DMXL2: variants seen among roughly 807,000 people sequenced by gnomAD.
DMXL2 encodes the protein dmX-like protein 2.
Under a neutral mutation model 331.1 loss-of-function variants are expected in DMXL2, and 103 were observed. That is an observed-to-expected ratio of 0.31 (90% CI 0.27 to 0.37). The LOEUF (loss-of-function observed/expected upper bound fraction) is 0.37, where lower values mean the gene tolerates loss of function less well. Among genes scored for constraint, DMXL2 ranks in the 10% least tolerant of loss-of-function variants. The pLI is 1.00. For synonymous variants in DMXL2, 1,281 were observed against 1,252.1 expected, an observed-to-expected ratio of 1.02 and a Z score of -0.49; for missense variants, 3,171 against 3,642.9, an observed-to-expected ratio of 0.87 and a Z score of 3.33.
At chr15:51,457,118 G>A (rs2039696048) in intron 37 of DMXL2, among the ~76,000 whole-genome samples, 5 of 152,236 alleles carry the variant, frequency 3.3e-5, no homozygotes. Context: ...GCTGCAGTGA[G>A]CCGAAATTGC....
In DMXL2 at chr15:51,454,503, C is replaced by CT. The variant is rs748574067; in HGVS notation, c.8604+647dup. Among the ~76,000 whole-genome samples, 119 of 151,748 alleles carry CT rather than the reference C, an allele frequency of 7.8e-4. 1 individual carries two copies. Among genetic ancestry groups the CT allele is most frequent in the Non-Finnish European group, 1.4e-3 (94 of 67,848 alleles). ...TGGAACAGATGTTTGGAACCTGATT[C>CT]TTTTTTTTTCTGAGACGAAGTCTCA... On this transcript the variant is annotated intron_variant, in intron 40 of 43. Transcript: ENST00000560891.
Position 51,549,674 on chromosome 15 carries a change from G to A in DMXL2, c.568-2266C>T, listed in dbSNP as rs1030681222. Among the ~76,000 whole-genome samples the A allele has an allele frequency of 3.3e-5, 5 of 151,962 alleles. 1 individual carries two copies. Among genetic ancestry groups the A allele is most frequent in the African/African-American group, 7.2e-5 (3 of 41,402 alleles). ...ATTCTTGCAGGAGTAAGGTGGTATC[G>A]CATTGTGGTTTTGGTTTGCATTTCC... On this transcript the variant is annotated intron_variant, in intron 6 of 43. Transcript: ENST00000560891.
intron 13 of DMXL2, among the ~76,000 whole-genome samples, chr15:51,527,068 AAAG>A (rs2047715898): frequency 2.0e-5 from 3 of 152,338 alleles, no homozygotes; most frequent in South Asian, 4.1e-4. Flanking sequence ...GACTTAACTC[AAAG>A]AAGACTACCT....
intron 29 of DMXL2, 64 bp downstream of exon 29, chr15:51,471,159 A>G: frequency 6.8e-7 from 1 of 1,476,818 alleles, no homozygotes; most frequent in Non-Finnish European, 9.3e-7. Flanking sequence ...TGTGAGACAC[A>G]TGCAAGAGTT....
intron 9 of DMXL2, among the ~76,000 whole-genome samples, chr15:51,538,829 T>C (rs1380024856): frequency 6.6e-6 from 1 of 152,154 alleles, no homozygotes; most frequent in Non-Finnish European, 1.5e-5. Context: ...TATGATGATA[T>C]TATGATTATG....
intron 22 of DMXL2, 98 bp from the exon 23 acceptor site, chr15:51,486,435 C>G (rs527380636): frequency 4.3e-6 from 4 of 936,920 alleles, no homozygotes; most frequent in Non-Finnish European, 6.4e-6. Flanking sequence ...CCATTTATAT[C>G]CTAATGGTGG....
At chr15:51,545,071 T>C (rs1336319688) in intron 8 of DMXL2, among the ~76,000 whole-genome samples, 2 of 152,094 alleles carry the variant, frequency 1.3e-5, no homozygotes, top group Non-Finnish European at 1.5e-5. Context: ...AAAAATTATT[T>C]CATTTTCAAA....
At chr15:51,530,041 A>G (rs1371366950) in intron 13 of DMXL2, among the ~76,000 whole-genome samples, 1 of 152,204 alleles carries the variant, frequency 6.6e-6, no homozygotes, top group East Asian at 1.9e-4. Context: ...CTAAAAAAGC[A>G]TGATAAAATT....
At chr15:51,471,976 C>T (rs1383679255) in intron 28 of DMXL2, among the ~76,000 whole-genome samples, 2 of 152,156 alleles carry the variant, frequency 1.3e-5, no homozygotes, top group Non-Finnish European at 2.9e-5. Context: ...TTCTCACTAA[C>T]ACCTCTTAAG....
rs150231582 is a variant in DMXL2, at chr15:51,580,702, T to C, written c.88-4521A>G. Among the ~76,000 whole-genome samples, 568 of 152,318 alleles carry C rather than the reference T, an allele frequency of 3.7e-3. 3 individuals carry two copies. The highest frequency in any genetic ancestry group is 0.013 in the African/African-American group (547 of 41,566). Reference sequence around the variant, plus strand: ...CATTCATGTGGGAGGATTTGTTTTATAAAAGGACTAAACTGTTTCTCTGAT... The same window carrying C: ...CATTCATGTGGGAGGATTTGTTTTACAAAAGGACTAAACTGTTTCTCTGAT... On this transcript the variant is annotated intron_variant, in intron 1 of 43. Transcript: ENST00000560891.
intron 6 of DMXL2, among the ~76,000 whole-genome samples, chr15:51,553,672 T>A (rs1458629298): frequency 6.6e-6 from 1 of 152,140 alleles, no homozygotes; most frequent in Non-Finnish European, 1.5e-5. Flanking sequence ...CTTATGACCA[T>A]CTACATCCAC....
chr15:51,593,921 T>G (rs560545401), intron 1 of DMXL2, among the ~76,000 whole-genome samples: 13 of 152,278 alleles, frequency 8.5e-5, no homozygotes, highest in Non-Finnish European at 1.8e-4. Flanking sequence ...AAGCAGTGTG[T>G]AGAGGGAAAT....
rs555906314 is a variant in DMXL2, at chr15:51,622,324, G to C, written c.87+135C>G. ...GGTCCCAGGGGGAACTAAACCCCAAGGCTGCAAAGGGGCCACGGGTGGGGC... is the reference window on the plus strand; with the variant it reads ...GGTCCCAGGGGGAACTAAACCCCAACGCTGCAAAGGGGCCACGGGTGGGGC... On this transcript the variant is annotated intron_variant, in intron 1 of 43. Transcript: ENST00000560891. 2.7e-4 allele frequency: 317 copies of C among 1,180,370 alleles called. 4 individuals are homozygous for C. In the South Asian group the frequency reaches 4.4e-3, roughly 16 times the overall value. The allele number at this position is 1,180,370 out of a possible 1,614,324, so 73.1% of individuals were successfully genotyped here. A position where few individuals can be genotyped will look rare whatever the true frequency, so the allele number is the denominator to read the frequency against.
chr15:51,452,639 G>A (rs1055022783), intron 41 of DMXL2, among the ~76,000 whole-genome samples: 1 of 152,176 alleles, frequency 6.6e-6, no homozygotes, highest in African/African-American at 2.4e-5. Context: ...CTCACTGCTG[G>A]TGGGAATGTA....
intron 15 of DMXL2, 69 bp downstream of exon 15, chr15:51,514,373 C>T: frequency 2.3e-6 from 2 of 886,450 alleles, no homozygotes; most frequent in South Asian, 1.7e-5. Context: ...AAGATCCATA[C>T]TCAGTGAAAA....
chr15:51,475,802 A>ACAT (rs1383823919), intron 27 of DMXL2, among the ~76,000 whole-genome samples: 1 of 152,226 alleles, frequency 6.6e-6, no homozygotes, highest in Non-Finnish European at 1.5e-5. Context: ...TAGGAAACAC[A>ACAT]CATTGAAATG....
At chr15:51,593,977 C>T (rs1420731252) in intron 1 of DMXL2, among the ~76,000 whole-genome samples, 6 of 151,972 alleles carry the variant, frequency 3.9e-5, no homozygotes, top group South Asian at 2.1e-4. Flanking sequence ...AGATCTAAAA[C>T]TGACACCCTA....
At chr15:51,612,715 T>C (rs2054055547) in intron 1 of DMXL2, among the ~76,000 whole-genome samples, 1 of 152,098 alleles carries the variant, frequency 6.6e-6, no homozygotes, top group South Asian at 2.1e-4. Flanking sequence ...GCTAATGAAG[T>C]TTCGGGCATG....
intron 18 of DMXL2, among the ~76,000 whole-genome samples, chr15:51,495,611 T>G (rs1159996212): frequency 6.6e-6 from 1 of 152,174 alleles, no homozygotes; most frequent in East Asian, 1.9e-4. Context: ...GATTTAAAAT[T>G]TGAATACCCA....
Sources: gnomAD v4.1 joint callset for allele counts (sites outside exome capture counted in the v4.1 genomes callset) on GRCh38, gnomAD v4.1.1 for gene constraint, MANE v1.5 for transcripts, NCBI Gene and HGNC (gene_info 2026-07-23, HGNC 2026-07-21) for gene names.